Variants in IRAK1BP1 observed in about 807,000 individuals in gnomAD.
The protein encoded by IRAK1BP1 is interleukin-1 receptor-associated kinase 1-binding protein 1.
Under a neutral mutation model 28.0 loss-of-function variants are expected in IRAK1BP1, and 24 were observed. That is an observed-to-expected ratio of 0.86 (90% CI 0.62 to 1.20). The LOEUF (loss-of-function observed/expected upper bound fraction) is 1.20. Among genes scored for constraint, IRAK1BP1 ranks in the 50% most tolerant of loss-of-function variants. The pLI, the probability that IRAK1BP1 is intolerant of heterozygous loss-of-function variation, is 0.00. For synonymous variants in IRAK1BP1, 131 were observed against 116.3 expected (o/e 1.13, Z -0.81); for missense variants, 336 against 316.7 (o/e 1.06, Z -0.46).
the IRAK1BP1 span, chr6:78,970,916 C>T: frequency 1.4e-6 from 2 of 1,474,098 alleles, no homozygotes; most frequent in Non-Finnish European, 1.9e-6. Flanking sequence ...AATCTTACAA[C>T]CTGGATGTGT....
the IRAK1BP1 span, among the ~76,000 whole-genome samples, chr6:78,975,519 G>T: frequency 1.3e-5 from 2 of 152,140 alleles, no homozygotes; most frequent in Middle Eastern, 3.2e-3. Flanking sequence ...GGAAGTTCTG[G>T]CCAGGGCAAT....
intron 2 of IRAK1BP1, among the ~76,000 whole-genome samples, chr6:78,889,267 A>G (rs1319044054): frequency 6.6e-6 from 1 of 152,080 alleles, no homozygotes; most frequent in African/African-American, 2.4e-5. Context: ...AGATAAAAAT[A>G]TTAAACTCAA....
chr6:78,890,653 A>C (rs1366364909), intron 2 of IRAK1BP1, among the ~76,000 whole-genome samples: 2 of 152,362 alleles, frequency 1.3e-5, no homozygotes, highest in Non-Finnish European at 2.9e-5. Flanking sequence ...TTCACAAACC[A>C]AGGGTCAGAA....
chr6:78,873,840 G>T (rs1770887966), intron 1 of IRAK1BP1, among the ~76,000 whole-genome samples: 1 of 152,172 alleles, frequency 6.6e-6, no homozygotes, highest in Non-Finnish European at 1.5e-5. Flanking sequence ...TATGTGTACT[G>T]TGCTTGGAAT....
the IRAK1BP1 span, chr6:78,966,103 C>T: frequency 1.8e-6 from 2 of 1,136,710 alleles, no homozygotes; most frequent in Non-Finnish European, 2.7e-6. Flanking sequence ...TGCATGGCTG[C>T]TGTCACTGCT....
Position 78,898,991 on chromosome 6 carries a change from C to T in IRAK1BP1, c.*657C>T, listed in dbSNP as rs1022618923. The T allele has an allele frequency of 4.6e-5, 7 of 152,148 alleles. No homozygotes were observed. Among genetic ancestry groups the T allele is most frequent in the African/African-American group, 1.7e-4 (7 of 41,438 alleles). The allele number at this position is 152,148 out of a possible 1,614,324, so 9.4% of individuals were successfully genotyped here. A position where few individuals can be genotyped will look rare whatever the true frequency, so the allele number is the denominator to read the frequency against. The stretch of plus-strand genomic sequence containing the variant: ...AAACAAAGGACTATTACTCATGGCA[C>T]AACAAGGAGCATGAGCATCAGCACA... On this transcript the variant is annotated 3_prime_UTR_variant, in exon 4 of 4. Transcript: ENST00000369940.
chr6:78,960,914 G>A, the IRAK1BP1 span, among the ~76,000 whole-genome samples: 611 of 152,026 alleles, frequency 4.0e-3, 5 homozygotes, highest in African/African-American at 0.012. Context: ...GAAGAATAAC[G>A]GAAAGGACTT....
intron 4 of IRAK1BP1, among the ~76,000 whole-genome samples, chr6:78,921,904 C>G (rs1772742393): frequency 6.6e-6 from 1 of 152,124 alleles, no homozygotes; most frequent in Non-Finnish European, 1.5e-5. Context: ...AAAGGACATC[C>G]ATATCAAAAC....
At chr6:78,932,411 C>CTTTCTT (rs1773073669) in intron 4 of IRAK1BP1, among the ~76,000 whole-genome samples, 1 of 133,574 alleles carries the variant, frequency 7.5e-6, no homozygotes, top group Non-Finnish European at 1.6e-5. Flanking sequence ...TATTTCTTTT[C>CTTTCTT]TTTCTTTTTC....
At chr6:78,889,970 C>T (rs1739626774) in intron 2 of IRAK1BP1, among the ~76,000 whole-genome samples, 1 of 152,102 alleles carries the variant, frequency 6.6e-6, no homozygotes, top group Non-Finnish European at 1.5e-5. Context: ...CACATGTAGA[C>T]GTACATTTAT....
At chr6:78,884,696 C>T (rs1771353309) in intron 1 of IRAK1BP1, among the ~76,000 whole-genome samples, 1 of 152,122 alleles carries the variant, frequency 6.6e-6, no homozygotes, top group African/African-American at 2.4e-5. Context: ...AACTAAGGCT[C>T]AAAAAATTTA....
the IRAK1BP1 span, among the ~76,000 whole-genome samples, chr6:78,975,696 GT>G: frequency 6.6e-6 from 1 of 152,154 alleles, no homozygotes. Context: ...CAAAATCAAT[GT>G]GCAAAAATCA....
chr6:78,872,120 G>T (rs758285883), intron 1 of IRAK1BP1: 1 of 701,836 alleles, frequency 1.4e-6, no homozygotes, highest in South Asian at 1.5e-5. Context: ...ACCCCTTGGG[G>T]TCGGATAATT....
intron 1 of IRAK1BP1, 68 bp downstream of exon 1, chr6:78,867,959 C>T (rs1043032939): frequency 7.0e-7 from 1 of 1,438,716 alleles, no homozygotes; most frequent in African/African-American, 1.4e-5. Flanking sequence ...GGTCGGGCCC[C>T]ACAGGCCCCC....
the IRAK1BP1 span, among the ~76,000 whole-genome samples, chr6:78,972,924 G>C: frequency 1.3e-5 from 2 of 152,158 alleles, no homozygotes; most frequent in East Asian, 3.9e-4. Flanking sequence ...GAAAGTGATG[G>C]GGAGAATGGA....
downstream of IRAK1BP1, among the ~76,000 whole-genome samples, chr6:78,950,695 A>G (rs1309792755): frequency 2.0e-5 from 3 of 152,138 alleles, no homozygotes; most frequent in East Asian, 1.9e-4. Flanking sequence ...GATATGCTCT[A>G]TATCATCTCT....
the IRAK1BP1 span, chr6:78,965,646 A>G: frequency 2.1e-6 from 2 of 970,142 alleles, no homozygotes; most frequent in Non-Finnish European, 3.2e-6. Context: ...AATCTTAAAT[A>G]ATTTCTTAAG....
At chr6:78,963,287 G>A in the IRAK1BP1 span, 20 of 1,544,692 alleles carry the variant, frequency 1.3e-5, no homozygotes, top group East Asian at 4.4e-4. Context: ...CAAATACATG[G>A]TAACTTATTA....
chr6:78,939,794 T>A (rs1269069529), intron 4 of IRAK1BP1: 1 of 152,366 alleles, frequency 6.6e-6, no homozygotes, highest in African/African-American at 2.4e-5. Flanking sequence ...CTCTAGAACA[T>A]CTCTGTCAAA....
Sources: gnomAD v4.1 joint callset for allele counts (sites outside exome capture counted in the v4.1 genomes callset) on GRCh38, gnomAD v4.1.1 for gene constraint, MANE v1.5 for transcripts, NCBI Gene and HGNC (gene_info 2026-07-23, HGNC 2026-07-21) for gene names.